Variants in ATRNL1 observed in about 807,000 individuals in gnomAD.
ATRNL1 encodes the protein attractin-like protein 1.
Under a neutral mutation model 182.7 loss-of-function variants are expected in ATRNL1, and 95 were observed. The observed-to-expected ratio is 0.52, with a 90% CI of 0.44 to 0.62. The LOEUF is 0.62. Among genes scored for constraint, ATRNL1 ranks in the 20% least tolerant of loss-of-function variants. ATRNL1 has a pLI of 0.00. For missense variants in ATRNL1, 1,471 were observed against 1,679.5 expected (o/e 0.88, Z 2.17); for synonymous variants, 576 against 568.3 (o/e 1.01, Z -0.19).
chr10:115,541,374 C>T (rs1554991930), intron 25 of ATRNL1, among the ~76,000 whole-genome samples: 2 of 152,150 alleles, frequency 1.3e-5, no homozygotes, highest in African/African-American at 4.8e-5. Context: ...TATATACCTA[C>T]TACAGTGGAT....
At chr10:115,249,893 G>T (rs1367562147) in intron 10 of ATRNL1, among the ~76,000 whole-genome samples, 3 of 152,182 alleles carry the variant, frequency 2.0e-5, no homozygotes, top group African/African-American at 7.2e-5. Flanking sequence ...ATTATAGTCA[G>T]ACAGATTAAA....
intron 26 of ATRNL1, among the ~76,000 whole-genome samples, chr10:115,714,512 T>C (rs1947187609): frequency 6.6e-6 from 1 of 152,180 alleles, no homozygotes; most frequent in African/African-American, 2.4e-5. Context: ...TCAAAGGTTC[T>C]GCCAGGCGGC....
At chr10:115,853,729 A>G (rs961895417) in intron 28 of ATRNL1, among the ~76,000 whole-genome samples, 3 of 152,196 alleles carry the variant, frequency 2.0e-5, no homozygotes, top group Non-Finnish European at 4.4e-5. Context: ...CCTCAAATAC[A>G]AATATTGTTT....
Position 115,160,036 on chromosome 10 carries a change from A to G in ATRNL1, c.830-4A>G. 6.4e-7 allele frequency: 1 copy of G among 1,558,350 alleles called. No homozygotes were observed. The highest frequency in any genetic ancestry group is 8.7e-7 in the Non-Finnish European group (1 of 1,152,836). On this transcript the variant is annotated splice_region_variant and splice_polypyrimidine_tract_variant and intron_variant, in intron 5 of 28. Transcript: ENST00000355044. ...AGTGTGTTGTTTCATTTTTTTTTTA[A>G]TAGGTCCTGATTGTTCTTTGAATGT...
chr10:115,913,256 A>G (rs1012728759), intron 28 of ATRNL1, among the ~76,000 whole-genome samples: 1 of 152,146 alleles, frequency 6.6e-6, no homozygotes, highest in Non-Finnish European at 1.5e-5. Context: ...CCAATTGCCT[A>G]ATTATTCAGA....
chr10:115,154,543 T>C (rs1440943250), intron 5 of ATRNL1, among the ~76,000 whole-genome samples: 2 of 152,190 alleles, frequency 1.3e-5, no homozygotes, highest in Non-Finnish European at 2.9e-5. Context: ...AAGTCTGTTT[T>C]ATCAGAGAAA....
At chr10:115,525,042 AG>A (rs1851138542) in intron 25 of ATRNL1, among the ~76,000 whole-genome samples, 1 of 152,174 alleles carries the variant, frequency 6.6e-6, no homozygotes. Context: ...AAAATGTTTC[AG>A]GGACCTTCCT....
At chr10:115,300,459 G>T (rs1398866851) in intron 16 of ATRNL1, among the ~76,000 whole-genome samples, 1 of 152,162 alleles carries the variant, frequency 6.6e-6, no homozygotes, top group Non-Finnish European at 1.5e-5. Flanking sequence ...GGTTCAAATA[G>T]TGAGATTGTG....
chr10:115,376,259 T>A (rs1325046206), intron 19 of ATRNL1, among the ~76,000 whole-genome samples: 1 of 152,156 alleles, frequency 6.6e-6, no homozygotes, highest in Non-Finnish European at 1.5e-5. Context: ...CTGTTATCTC[T>A]TACTGCTGAA....
intron 28 of ATRNL1, among the ~76,000 whole-genome samples, chr10:115,901,451 C>T (rs1169196566): frequency 6.6e-6 from 1 of 152,088 alleles, no homozygotes; most frequent in Non-Finnish European, 1.5e-5. Flanking sequence ...AGATTTTTAT[C>T]CCAACTTGGA....
intron 19 of ATRNL1, among the ~76,000 whole-genome samples, chr10:115,368,105 C>T (rs1375266298): frequency 4.6e-5 from 7 of 152,310 alleles, no homozygotes; most frequent in Middle Eastern, 3.4e-3. Context: ...TGGGCAATGG[C>T]GGGCGCCCCT....
intron 19 of ATRNL1, among the ~76,000 whole-genome samples, chr10:115,363,214 T>G (rs1169715472): frequency 7.7e-6 from 1 of 129,040 alleles, no homozygotes; most frequent in Non-Finnish European, 1.7e-5. Context: ...ATCGCCATTC[T>G]AAATGGTGTG....
intron 26 of ATRNL1, among the ~76,000 whole-genome samples, chr10:115,724,376 A>C (rs1555059151): frequency 2.6e-5 from 4 of 152,154 alleles, no homozygotes; most frequent in Non-Finnish European, 1.5e-5. Flanking sequence ...TGCTGAAGAA[A>C]ATGGGCCTGT....
At chr10:115,574,194 ATGTG>A (rs1854573044) in intron 26 of ATRNL1, among the ~76,000 whole-genome samples, 1 of 151,202 alleles carries the variant, frequency 6.6e-6, no homozygotes, top group Non-Finnish European at 1.5e-5. Flanking sequence ...ATACATATAT[ATGTG>A]TATCTATATA....
intron 8 of ATRNL1, among the ~76,000 whole-genome samples, chr10:115,186,235 AG>A (rs2033877714): frequency 2.6e-5 from 4 of 151,640 alleles, no homozygotes; most frequent in Admixed American, 2.6e-4. Context: ...TGTGGAGAAA[AG>A]GGAGCCCTCA....
At chr10:115,915,013 A>C (rs905361420) in intron 28 of ATRNL1, among the ~76,000 whole-genome samples, 2 of 152,236 alleles carry the variant, frequency 1.3e-5, no homozygotes, top group Admixed American at 1.3e-4. Flanking sequence ...TTTGGACAAA[A>C]AACATTTAAG....
intron 26 of ATRNL1, among the ~76,000 whole-genome samples, chr10:115,591,039 A>C (rs1249282392): frequency 6.6e-6 from 1 of 152,322 alleles, no homozygotes; most frequent in African/African-American, 2.4e-5. Flanking sequence ...CTGAGCACTG[A>C]GTCTGAAACT....
chr10:115,279,216 T>A (rs201944172), intron 13 of ATRNL1, among the ~76,000 whole-genome samples: 7,588 of 143,910 alleles, frequency 0.053, 220 homozygotes, highest in Non-Finnish European at 0.063. Flanking sequence ...AAAAAAAAAA[T>A]AATAATAATA....
At chr10:115,447,322 AT>A (rs1313596902) in intron 21 of ATRNL1, among the ~76,000 whole-genome samples, 3 of 151,282 alleles carry the variant, frequency 2.0e-5, no homozygotes, top group African/African-American at 4.8e-5. Context: ...GATAGAGTTG[AT>A]TTTTTTTGTG....
Sources: allele counts gnomAD v4.1 joint callset (sites outside exome capture counted in the v4.1 genomes callset), GRCh38; gene constraint gnomAD v4.1.1; transcripts MANE v1.5; gene names NCBI Gene and HGNC (gene_info 2026-07-23, HGNC 2026-07-21).